The following TAOK1 variants were observed in gnomAD, a reference collection of about 807,000 sequenced individuals.
The protein encoded by TAOK1 is serine/threonine-protein kinase TAO1.
In TAOK1, 21 loss-of-function variants were observed where a neutral mutation model predicts 138.3. That is an observed-to-expected ratio of 0.15 (90% CI 0.11 to 0.22). TAOK1 has a LOEUF of 0.22. TAOK1 is among the 10% of genes least tolerant of loss of function. The probability of loss-of-function intolerance (pLI) is 1.00; values close to 1 mark genes in which losing one functional copy is unlikely to be tolerated. For synonymous variants in TAOK1, 361 were observed against 398.4 expected, an observed-to-expected ratio of 0.91 and a Z score of 1.12; for missense variants, 651 against 1,227.7, an observed-to-expected ratio of 0.53 and a Z score of 7.02.
rs2032400289 is a variant in TAOK1, at chr17:29,546,120, A to G, written c.*3098A>G. 6.6e-6 allele frequency: 1 copy of G among 152,108 alleles called. No individual in the cohort carries two copies. Among genetic ancestry groups the G allele is most frequent in the Non-Finnish European group, 1.5e-5 (1 of 67,994 alleles). The allele number at this position is 152,108 out of a possible 1,614,324, so 9.4% of individuals were successfully genotyped here. On this transcript the variant is annotated 3_prime_UTR_variant, in exon 20 of 20. Transcript: ENST00000261716. ...ATCCAAAAGTATTTTTATTTGTATA[A>G]TGCTATCTGAAAAATGTGTTTATAT...
Position 29,548,002 on chromosome 17 carries a change from A to G in TAOK1, c.*4980A>G, listed in dbSNP as rs1037461680. On this transcript the variant is annotated 3_prime_UTR_variant, in exon 20 of 20. Transcript: ENST00000261716. ...TGGAAATGACTATTAATTTGTAAAG[A>G]AGTAAGTTTTATTAAACACTGTCTA... is the stretch of plus-strand genomic sequence containing the variant. 6.6e-6 allele frequency: 1 copy of G among 152,140 alleles called. No homozygotes were observed. The highest frequency in any genetic ancestry group is 2.4e-5 in the African/African-American group (1 of 41,442). 9.4% of individuals were successfully genotyped at this position (152,140 alleles called of 1,614,324 possible).
intron 15 of TAOK1, chr17:29,514,894 T>C (rs115731859): frequency 0.037 from 5,560 of 148,938 alleles, 365 homozygotes; most frequent in African/African-American, 0.13. Context: ...AGCTACTCAG[T>C]AGTCTTAGGT....
chr17:29,507,623 A>G (rs988505180), intron 13 of TAOK1, among the ~76,000 whole-genome samples: 1 of 152,190 alleles, frequency 6.6e-6, no homozygotes, highest in African/African-American at 2.4e-5. Flanking sequence ...TAAAGCCAGT[A>G]TCACATTGTC....
intron 17 of TAOK1, 43 bp from the exon 18 acceptor site, chr17:29,530,364 C>G (rs1366923159): frequency 6.4e-7 from 1 of 1,565,092 alleles, no homozygotes; most frequent in Admixed American, 1.7e-5. Context: ...TACCAAATGC[C>G]TTTCGTTACA....
At chr17:29,451,014 T>G (rs2030217778) in intron 1 of TAOK1, among the ~76,000 whole-genome samples, 1 of 152,242 alleles carries the variant, frequency 6.6e-6, no homozygotes, top group Non-Finnish European at 1.5e-5. Flanking sequence ...CACTATATTT[T>G]TCTTTGAATG....
At chr17:29,477,545 C>A in intron 4 of TAOK1, 116 bp from the exon 5 acceptor site, 1 of 412,764 alleles carries the variant, frequency 2.4e-6, no homozygotes, top group Non-Finnish European at 3.8e-6. Flanking sequence ...TAAATGGTGA[C>A]TAGAATTTTA....
chr17:29,482,331 T>C, intron 8 of TAOK1, 43 bp downstream of exon 8: 1 of 1,443,598 alleles, frequency 6.9e-7, no homozygotes, highest in Non-Finnish European at 9.6e-7. Flanking sequence ...TTTTGATCAA[T>C]GTTTTACCTC....
chr17:29,402,993 CAA>C (rs1179657750), intron 1 of TAOK1, among the ~76,000 whole-genome samples: 2 of 126,558 alleles, frequency 1.6e-5, no homozygotes, highest in Non-Finnish European at 1.7e-5. Context: ...AACTTAGTCT[CAA>C]AAAAAAAAAA....
At chr17:29,408,982 G>A (rs1905071263) in intron 1 of TAOK1, among the ~76,000 whole-genome samples, 1 of 151,746 alleles carries the variant, frequency 6.6e-6, no homozygotes, top group African/African-American at 2.4e-5. Flanking sequence ...CAAGATGCTG[G>A]GATTACAGGC....
chr17:29,438,817 T>C lies in TAOK1; in HGVS notation c.-94-12638T>C, dbSNP rs1906118404. On this transcript the variant is annotated intron_variant, in intron 1 of 19. Coordinates refer to ENST00000261716, the MANE Select transcript of TAOK1 (RefSeq NM_020791.4). ...TTGAGCGAGTTTTAGTAATTAATTA[T>C]TTAGTCTACTGTTGTTGGACTTTAG... Among the ~76,000 whole-genome samples, 2 of 152,246 alleles carry C rather than the reference T, an allele frequency of 1.3e-5. 1 individual carries two copies. Among genetic ancestry groups the C allele is most frequent in the South Asian group, 4.1e-4 (2 of 4,836 alleles).
At chr17:29,409,818 T>A (rs924715126) in intron 1 of TAOK1, among the ~76,000 whole-genome samples, 1 of 152,190 alleles carries the variant, frequency 6.6e-6, no homozygotes, top group Non-Finnish European at 1.5e-5. Context: ...GTAACATTCT[T>A]GTGAGAGGGT....
chr17:29,517,685 T>A (rs2031842570), intron 16 of TAOK1, 29 bp downstream of exon 16: 6 of 1,568,248 alleles, frequency 3.8e-6, no homozygotes, highest in Non-Finnish European at 3.5e-6. Flanking sequence ...AAATTTTAAA[T>A]CCTTTATCAA....
intron 3 of TAOK1, among the ~76,000 whole-genome samples, chr17:29,474,540 G>A (rs1228362734): frequency 2.0e-5 from 3 of 152,236 alleles, no homozygotes; most frequent in African/African-American, 4.8e-5. Flanking sequence ...CAGAGAATAG[G>A]GAGGCCCAAG....
At chr17:29,538,580 G>A (rs971300747) in intron 19 of TAOK1, among the ~76,000 whole-genome samples, 13 of 152,144 alleles carry the variant, frequency 8.5e-5, no homozygotes, top group African/African-American at 2.7e-4. Context: ...ATGCTTGCCG[G>A]TTGTACATAC....
chr17:29,437,599 A>G (rs1906074004), intron 1 of TAOK1, among the ~76,000 whole-genome samples: 1 of 152,194 alleles, frequency 6.6e-6, no homozygotes, highest in South Asian at 2.1e-4. Context: ...TTTGGCATAT[A>G]ATGTATAAGA....
At chr17:29,530,032 A>T (rs1356541940) in intron 17 of TAOK1, among the ~76,000 whole-genome samples, 1 of 152,104 alleles carries the variant, frequency 6.6e-6, no homozygotes, top group African/African-American at 2.4e-5. Context: ...ATCTCAAAAA[A>T]AAAAAGAAAA....
intron 8 of TAOK1, among the ~76,000 whole-genome samples, chr17:29,489,112 A>G (rs985634152): frequency 6.6e-6 from 1 of 152,160 alleles, no homozygotes; most frequent in Admixed American, 6.6e-5. Flanking sequence ...CTTTAGGAAA[A>G]TGTTCTTCTT....
intron 1 of TAOK1, among the ~76,000 whole-genome samples, chr17:29,407,370 C>T (rs2096783934): frequency 6.6e-6 from 1 of 152,194 alleles, no homozygotes; most frequent in South Asian, 2.1e-4. Context: ...CAATGCTCTT[C>T]TCTGTCTCCC....
chr17:29,452,641 C>T (rs2030267765), intron 2 of TAOK1, among the ~76,000 whole-genome samples: 1 of 152,190 alleles, frequency 6.6e-6, no homozygotes, highest in Non-Finnish European at 1.5e-5. Context: ...TCCCATTTCA[C>T]CCTCCACCCA....
Sources: allele counts gnomAD v4.1 joint callset (sites outside exome capture counted in the v4.1 genomes callset), GRCh38; gene constraint gnomAD v4.1.1; transcripts MANE v1.5; gene names NCBI Gene and HGNC (gene_info 2026-07-23, HGNC 2026-07-21).